Variants in CADM2 observed in about 807,000 individuals in gnomAD.
CADM2 encodes the protein immunoglobulin superfamily member 4D.
In CADM2, 12 loss-of-function variants were observed where a neutral mutation model predicts 49.8. The observed-to-expected ratio is 0.24, with a 90% CI of 0.15 to 0.39. The LOEUF (loss-of-function observed/expected upper bound fraction) is 0.39. Ranked by LOEUF, CADM2 falls within the 10% of genes least tolerant of loss-of-function variation. CADM2 has a pLI of 1.00. For synonymous variants in CADM2, 214 were observed against 175.4 expected, an observed-to-expected ratio of 1.22 and a Z score of -1.74; for missense variants, 378 against 492.3, an observed-to-expected ratio of 0.77 and a Z score of 2.20.
At chr3:85,779,439 A>ACAGTTCAGCATGGTCGGGAGG (rs2070521758) in intron 2 of CADM2, among the ~76,000 whole-genome samples, 1 of 152,172 alleles carries the variant, frequency 6.6e-6, no homozygotes, top group Non-Finnish European at 1.5e-5. Context: ...TAATTGACTC[A>ACAGTTCAGCATGGTCGGGAGG]CAGTTCAGCA....
chr3:86,000,994 A>C (rs567202204), intron 8 of CADM2, among the ~76,000 whole-genome samples: 69 of 152,284 alleles, frequency 4.5e-4, no homozygotes, highest in Admixed American at 1.2e-3. Flanking sequence ...TACTGAAATA[A>C]TTCTAGTGAA....
At chr3:85,428,015 G>A (rs2036493368) in intron 1 of CADM2, among the ~76,000 whole-genome samples, 1 of 151,804 alleles carries the variant, frequency 6.6e-6, no homozygotes, top group Non-Finnish European at 1.5e-5. Context: ...TTCAACCATA[G>A]TTAGGTACTT....
intron 1 of CADM2, among the ~76,000 whole-genome samples, chr3:85,720,622 C>T (rs569675492): frequency 6.6e-6 from 1 of 152,188 alleles, no homozygotes; most frequent in South Asian, 2.1e-4. Flanking sequence ...AAATTAAATT[C>T]TCACTTTTTC....
chr3:85,126,362 C>A lies in CADM2; in HGVS notation c.61+166694C>A, dbSNP rs537398530. ...AAACTCACATACATATGGGTGGAGT[C>A]TGAAAGAAAGGAAAATAAAGAAACA... On this transcript the variant is annotated intron_variant, in intron 1 of 9. Coordinates refer to ENST00000383699, the MANE Select transcript of CADM2 (RefSeq NM_001167675.2). Among the ~76,000 whole-genome samples the A allele has an allele frequency of 1.3e-3, 199 of 151,868 alleles. 1 individual carries two copies. Among genetic ancestry groups the A allele is most frequent in the African/African-American group, 4.4e-3 (181 of 41,404 alleles).
intron 1 of CADM2, among the ~76,000 whole-genome samples, chr3:85,153,780 C>T (rs2040010750): frequency 1.3e-5 from 2 of 152,094 alleles, no homozygotes; most frequent in East Asian, 1.9e-4. Flanking sequence ...GGTCCCTGAC[C>T]CCTGACCCCC....
intron 1 of CADM2, among the ~76,000 whole-genome samples, chr3:85,436,445 T>A (rs1015417198): frequency 2.0e-5 from 3 of 151,918 alleles, no homozygotes; most frequent in Admixed American, 6.6e-5. Context: ...CCTGAAATAC[T>A]CTGTTGAATA....
chr3:85,165,005 T>A (rs1364601346), intron 1 of CADM2, among the ~76,000 whole-genome samples: 1 of 151,664 alleles, frequency 6.6e-6, no homozygotes, highest in Non-Finnish European at 1.5e-5. Context: ...GTCAGGAGTA[T>A]CACATTGAAT....
intron 1 of CADM2, among the ~76,000 whole-genome samples, chr3:85,461,751 G>A (rs185481662): frequency 3.9e-4 from 60 of 152,214 alleles, no homozygotes; most frequent in Admixed American, 3.9e-3. Context: ...ATTTTGCACA[G>A]CCAATTCTCT....
chr3:85,653,052 C>T (rs771398472), intron 1 of CADM2, among the ~76,000 whole-genome samples: 1 of 151,556 alleles, frequency 6.6e-6, no homozygotes, highest in Non-Finnish European at 1.5e-5. Context: ...GGATTACAGG[C>T]GTGAGCCACC....
At chr3:85,452,310 C>A (rs1478404519) in intron 1 of CADM2, among the ~76,000 whole-genome samples, 1 of 152,050 alleles carries the variant, frequency 6.6e-6, no homozygotes, top group Non-Finnish European at 1.5e-5. Flanking sequence ...ATTACCTTGC[C>A]AAATGCTTTT....
At chr3:85,821,079 A>G in intron 3 of CADM2, among the ~76,000 whole-genome samples, 1 of 152,124 alleles carries the variant, frequency 6.6e-6, no homozygotes, top group Admixed American at 6.6e-5. Flanking sequence ...ACCTATCCTT[A>G]TTATACAAAT....
intron 1 of CADM2, among the ~76,000 whole-genome samples, chr3:85,052,480 T>C (rs2035917509): frequency 6.6e-6 from 1 of 152,114 alleles, no homozygotes; most frequent in Admixed American, 6.6e-5. Flanking sequence ...CTGGGGTCTT[T>C]TGATTCTGGC....
intron 1 of CADM2, among the ~76,000 whole-genome samples, chr3:85,140,830 C>A (rs1349144735): frequency 6.6e-6 from 1 of 152,106 alleles, no homozygotes; most frequent in Non-Finnish European, 1.5e-5. Context: ...TTTAACTTGG[C>A]AGGATTTGCA....
intron 1 of CADM2, among the ~76,000 whole-genome samples, chr3:84,985,394 A>G (rs959915906): frequency 6.6e-6 from 1 of 152,158 alleles, no homozygotes; most frequent in East Asian, 1.9e-4. Context: ...TTTAACAAAT[A>G]TAACTTTTAG....
At chr3:85,249,602 T>C (rs1576209660) in intron 1 of CADM2, among the ~76,000 whole-genome samples, 1 of 151,992 alleles carries the variant, frequency 6.6e-6, no homozygotes, top group African/African-American at 2.4e-5. Context: ...TACCAGAATA[T>C]CTTTCCTTTG....
intron 1 of CADM2, among the ~76,000 whole-genome samples, chr3:85,419,107 AACTC>A (rs372858788): frequency 1.7e-3 from 258 of 152,232 alleles, no homozygotes; most frequent in African/African-American, 5.8e-3. Flanking sequence ...AGACTGGTCT[AACTC>A]ATTTAGACTA....
chr3:85,740,014 A>G (rs1328839812), intron 2 of CADM2, among the ~76,000 whole-genome samples: 2 of 152,180 alleles, frequency 1.3e-5, no homozygotes, highest in Non-Finnish European at 2.9e-5. Flanking sequence ...TTACCTTAGA[A>G]AGAGATCTGT....
At chr3:85,843,898 G>GA (rs928451276) in intron 3 of CADM2, among the ~76,000 whole-genome samples, 3 of 148,652 alleles carry the variant, frequency 2.0e-5, no homozygotes, top group African/African-American at 7.8e-5. Context: ...ATGTGTGTGT[G>GA]GGGGGGGAGC....
intron 1 of CADM2, among the ~76,000 whole-genome samples, chr3:85,033,858 C>T (rs1198637582): frequency 2.0e-5 from 3 of 152,166 alleles, no homozygotes; most frequent in African/African-American, 4.8e-5. Context: ...CAGTGTGCCA[C>T]AGGGTAGTTT....
Sources: gnomAD v4.1 joint callset for allele counts (sites outside exome capture counted in the v4.1 genomes callset) on GRCh38, gnomAD v4.1.1 for gene constraint, MANE v1.5 for transcripts, NCBI Gene and HGNC (gene_info 2026-07-23, HGNC 2026-07-21) for gene names.